The following ATAD5 variants were observed in gnomAD, a reference collection of about 807,000 sequenced individuals.
ATAD5 encodes the protein ATPase family AAA domain-containing protein 5.
In ATAD5, 58 loss-of-function variants were observed where a neutral mutation model predicts 176.9. The observed-to-expected ratio is 0.33, with a 90% confidence interval of 0.27 to 0.41. The LOEUF is 0.41. Ranked by LOEUF, ATAD5 falls within the 10% of genes least tolerant of loss-of-function variation. The probability of loss-of-function intolerance (pLI) is 1.00; values close to 1 mark genes in which losing one functional copy is unlikely to be tolerated. For missense variants in ATAD5, 1,789 were observed against 2,094.1 expected (o/e 0.85, Z 2.84); for synonymous variants, 640 against 712.6 (o/e 0.90, Z 1.62).
rs763229221 is a variant in ATAD5 at position 30,835,654 on chromosome 17, A to G, written c.1573A>G (p.Thr525Ala). ...QNRMSLRQRK[T>A]EFFKSSTLFN... ...TAGAATGAGTTTAAGACAAAGGAAA[A>G]CAGAGTTTTTCAAAAGCAGCACTTT... The change falls in exon 2 of 23, where the codon ACA (threonine) becomes GCA (alanine). Residue 525 changes from threonine to alanine, a missense_variant. Thr to Ala is a moderately conservative substitution (Grantham distance 58). Around this residue, in one of 6 missense-constraint regions of ATAD5, gnomAD observed 696 missense variants for 712.5 expected, o/e 0.98. Coordinates refer to ENST00000321990, the MANE Select transcript of ATAD5 (RefSeq NM_024857.5). The G allele has an allele frequency of 1.9e-6, 3 of 1,604,236 alleles. No homozygotes were observed. The African/African-American group carries it at 4.0e-5, about 22-fold the overall frequency.
At chr17:30,836,777 A>C (rs1905773955) in intron 2 of ATAD5, among the ~76,000 whole-genome samples, 1 of 151,906 alleles carries the variant, frequency 6.6e-6, no homozygotes, top group Non-Finnish European at 1.5e-5. Flanking sequence ...CATGTTGGCC[A>C]GGCCAGTCTC....
chr17:30,844,673 T>C (rs1906365899), intron 5 of ATAD5, among the ~76,000 whole-genome samples, 162 bp from the exon 6 acceptor site: 1 of 133,692 alleles, frequency 7.5e-6, no homozygotes, highest in Non-Finnish European at 1.5e-5. Context: ...ACTTGAGCCC[T>C]GGAGGTGGAG....
At chr17:30,878,582 C>T (rs2142421711) in intron 17 of ATAD5, among the ~76,000 whole-genome samples, 1 of 152,050 alleles carries the variant, frequency 6.6e-6, no homozygotes, top group East Asian at 1.9e-4. Flanking sequence ...ATTGGAAATA[C>T]TATAATAATT....
chr17:30,883,120 C>T (rs1030028105), intron 18 of ATAD5, among the ~76,000 whole-genome samples: 2 of 147,064 alleles, frequency 1.4e-5, no homozygotes, highest in East Asian at 2.0e-4. Context: ...AATATAAACA[C>T]CAGATTTTTT....
Position 30,869,316 on chromosome 17 carries a change from G to A in ATAD5, c.3382G>A (p.Val1128Ile), listed in dbSNP as rs1225481275. Residue 1128 changes from valine to isoleucine, a missense_variant, in exon 13 of 23, where the codon GTC becomes ATC. By Grantham distance (29) the Val-to-Ile change is conservative (BLOSUM62 3). Transcript: ENST00000321990. ...AGAAGAGAGTCGTCTTTGCAATACTGTCCTTATAACAGGGCCAACAGGAGT... is the reference window on the plus strand; with the variant it reads ...AGAAGAGAGTCGTCTTTGCAATACTATCCTTATAACAGGGCCAACAGGAGT... ...DEEESRLCNT[V>I]LITGPTGVGK... 3 of 1,613,862 alleles carry A rather than the reference G, an allele frequency of 1.9e-6. No homozygotes were observed. Among genetic ancestry groups the A allele is most frequent in the Non-Finnish European group, 2.5e-6 (3 of 1,179,984 alleles).
intron 6 of ATAD5, among the ~76,000 whole-genome samples, chr17:30,850,910 A>G (rs1235913219): frequency 3.1e-5 from 2 of 64,086 alleles, no homozygotes; most frequent in East Asian, 5.4e-4. Context: ...TTTGAGATAG[A>G]GTCTTGCTCT....
At chr17:30,864,176 G>A (rs370511164) in intron 10 of ATAD5, 1 of 152,032 alleles carries the variant, frequency 6.6e-6, no homozygotes, top group East Asian at 1.9e-4. Context: ...TTTAAATATT[G>A]CTGTTTGTGG....
At chr17:30,887,170 C>T (rs1173182118) in intron 18 of ATAD5, 22 bp from the exon 19 acceptor site, 33 of 1,552,444 alleles carry the variant, frequency 2.1e-5, no homozygotes, top group Non-Finnish European at 2.7e-5. Flanking sequence ...CAGTTAACCA[C>T]ATTTCTCTCT....
In ATAD5 at chr17:30,859,716, A is replaced by AGTTT. The variant is rs1386887877; in HGVS notation, c.2957-704_2957-701dup. Among the ~76,000 whole-genome samples, 7 of 147,364 alleles carry AGTTT rather than the reference A, an allele frequency of 4.8e-5. No homozygotes were observed. The South Asian group carries it at 9.3e-4, about 20-fold the overall frequency. On this transcript the variant is annotated intron_variant, in intron 9 of 22. Coordinates refer to ENST00000321990, the MANE Select transcript of ATAD5 (RefSeq NM_024857.5). ...CACTTTGTTGCCCAGGCTAGAATAC[A>AGTTT]GTTTGTTTGTTTGTTTATTTATTTT...
At chr17:30,858,407 CG>C (rs1567687311) in intron 9 of ATAD5, 84 bp downstream of exon 9, 4 of 1,020,544 alleles carry the variant, frequency 3.9e-6, no homozygotes, top group Admixed American at 8.7e-5. Context: ...ATTTCTGAGA[CG>C]GAGTTTTGCT....
Position 30,892,645 on chromosome 17 carries a change from C to A in ATAD5, c.4297C>A (p.His1433Asn). 6.3e-7 allele frequency: 1 copy of A among 1,590,382 alleles called. No homozygotes were observed. The highest frequency in any genetic ancestry group is 8.5e-7 in the Non-Finnish European group (1 of 1,171,154). The part of the protein sequence containing the change: ...SRNVQLVCSE[H>N]GLDNKIYPKN... ...AAATGTACAACTAGTTTGCTCTGAACATGGCCTTGATAACAAAATTTACCC... is the reference window on the plus strand; with the variant it reads ...AAATGTACAACTAGTTTGCTCTGAAAATGGCCTTGATAACAAAATTTACCC... The change falls in exon 20 of 23, where the codon CAT becomes AAT. Residue 1433 changes from histidine (H) to asparagine (N), a missense_variant. Transcript: ENST00000321990.
At position 30,834,208 on chromosome 17, in the gene ATAD5, T is replaced by G. The variant is rs748236533; in HGVS notation, c.127T>G (p.Leu43Val). 1.9e-6 allele frequency: 3 copies of G among 1,595,932 alleles called. No individual in the cohort carries two copies. In the East Asian group the frequency reaches 6.7e-5, roughly 36 times the overall value. The change falls in exon 2 of 23, where the codon TTA (leucine) becomes GTA (valine). Residue 43 changes from leucine to valine, a missense_variant. Around this residue, in one of 6 missense-constraint regions of ATAD5, gnomAD observed 696 missense variants for 712.5 expected, o/e 0.98. Transcript: ENST00000321990. The stretch of plus-strand genomic sequence containing the variant: ...TACCTGCAAAACAATTACAAAATAT[T>G]TATCACCACTAGGGAAGACTAGAGA... Reference protein sequence around the residue: ...TSTCKTITKYLSPLGKTRDRV... With the variant: ...TSTCKTITKYVSPLGKTRDRV...
At chr17:30,839,701 C>T (rs1457522914) in intron 3 of ATAD5, among the ~76,000 whole-genome samples, 1 of 88 alleles carries the variant, frequency 0.011, no homozygotes, top group Non-Finnish European at 0.024. Flanking sequence ...CTGCCTCAGC[C>T]GCCCCAAGTC....
intron 14 of ATAD5, among the ~76,000 whole-genome samples, chr17:30,874,667 G>A (rs1348816151): frequency 1.3e-5 from 2 of 148,376 alleles, no homozygotes; most frequent in Non-Finnish European, 3.0e-5. Flanking sequence ...GTCTTGGTCT[G>A]TCGCCCAGGC....
chr17:30,885,958 A>T (rs1000016592), intron 18 of ATAD5, among the ~76,000 whole-genome samples: 1 of 151,866 alleles, frequency 6.6e-6, no homozygotes, highest in African/African-American at 2.4e-5. Context: ...TAGGTGTTGG[A>T]TTTTATCAAC....
chr17:30,872,417 A>G (rs1295428629), intron 14 of ATAD5, among the ~76,000 whole-genome samples: 1 of 151,902 alleles, frequency 6.6e-6, no homozygotes, highest in Admixed American at 6.6e-5. Flanking sequence ...TCTTTCACTG[A>G]TGAGTACTCA....
chr17:30,894,406 A>AT (rs60288051), intron 21 of ATAD5, among the ~76,000 whole-genome samples, 158 bp from the exon 22 acceptor site: 7 of 151,916 alleles, frequency 4.6e-5, no homozygotes, highest in East Asian at 1.9e-4. Context: ...AGTTATTGAG[A>AT]TTTTTTCAGT....
At position 30,857,020 on chromosome 17, in the gene ATAD5, A is replaced by G. The variant is rs766901082; in HGVS notation, c.2701A>G (p.Thr901Ala). 9 of 1,609,468 alleles carry G rather than the reference A, an allele frequency of 5.6e-6. No individual in the cohort carries two copies. Among genetic ancestry groups the G allele is most frequent in the Middle Eastern group, 3.3e-4 (2 of 6,048 alleles). The part of the protein sequence containing the change: ...PLLTKFKELN[T>A]KVIDLSKCGI... The stretch of plus-strand genomic sequence containing the variant: ...CTTAACTAAATTTAAAGAACTGAAC[A>G]CTAAAGTAATAGATCTCTCAAAATG... Residue 901 changes from threonine (T) to alanine (A), a missense_variant, in exon 8 of 23, where the codon ACT becomes GCT. By Grantham distance (58) the Thr-to-Ala change is moderately conservative. Around this residue, in one of 6 missense-constraint regions of ATAD5, gnomAD observed 487 missense variants for 573.6 expected, o/e 0.85. Coordinates refer to ENST00000321990, the MANE Select transcript of ATAD5 (RefSeq NM_024857.5).
chr17:30,881,918 C>CCA (rs1017537339), intron 18 of ATAD5, among the ~76,000 whole-genome samples: 1 of 150,358 alleles, frequency 6.7e-6, no homozygotes, highest in African/African-American at 2.5e-5. Context: ...GTCCCCCCCC[C>CCA]AAAAAAATAA....
Sources: allele counts gnomAD v4.1 joint callset (sites outside exome capture counted in the v4.1 genomes callset), GRCh38; gene constraint gnomAD v4.1.1; regional missense constraint gnomAD v4.1.1; transcripts MANE v1.5; gene names NCBI Gene and HGNC (gene_info 2026-07-23, HGNC 2026-07-21).